KPNA1: variants seen among roughly 807,000 people sequenced by gnomAD.
KPNA1 encodes the protein karyopherin subunit alpha 1.
KPNA1 carries 10 observed loss-of-function variants against 70.5 expected under a neutral mutation model. The observed-to-expected ratio is 0.14, with a 90% CI of 0.09 to 0.24. The LOEUF is 0.24. KPNA1 is among the 10% of genes least tolerant of loss of function. The pLI is 1.00. For synonymous variants in KPNA1, 192 were observed against 221.9 expected, an observed-to-expected ratio of 0.87 and a Z score of 1.20; for missense variants, 397 against 637.9, an observed-to-expected ratio of 0.62 and a Z score of 4.07.
intron 5 of KPNA1, among the ~76,000 whole-genome samples, chr3:122,456,613 A>G (rs1293201244): frequency 6.6e-6 from 1 of 152,230 alleles, no homozygotes. Flanking sequence ...TTAATAAAAT[A>G]GAGAAGCAAA....
intron 2 of KPNA1, among the ~76,000 whole-genome samples, chr3:122,488,911 C>T (rs1233836479): frequency 6.6e-6 from 1 of 152,110 alleles, no homozygotes; most frequent in African/African-American, 2.4e-5. Flanking sequence ...AGTGGATTTA[C>T]AGTTCTTCAT....
At chr3:122,428,778 G>GTC (rs1439146906) in intron 12 of KPNA1, among the ~76,000 whole-genome samples, 2 of 152,220 alleles carry the variant, frequency 1.3e-5, no homozygotes, top group African/African-American at 4.8e-5. Flanking sequence ...GTTTCACACT[G>GTC]GTGAATTCTG....
Position 122,423,557 on chromosome 3 carries a change from C to T in KPNA1, c.*3428G>A, listed in dbSNP as rs1360976175. ...GATATAAAAATTTTCACAAAACTAG[C>T]GAGAAAGAAAAACCCCTTGACTCCA... On this transcript the variant is annotated 3_prime_UTR_variant, in exon 14 of 14. Coordinates refer to ENST00000344337, the MANE Select transcript of KPNA1 (RefSeq NM_002264.4). 1 of 152,462 alleles carries T rather than the reference C, an allele frequency of 6.6e-6. No homozygotes were observed. Among genetic ancestry groups the T allele is most frequent in the Non-Finnish European group, 1.5e-5 (1 of 68,012 alleles). 9.4% of individuals were successfully genotyped at this position (152,462 alleles called of 1,614,324 possible).
chr3:122,506,886 C>A (rs145331350), intron 1 of KPNA1, among the ~76,000 whole-genome samples: 2 of 152,212 alleles, frequency 1.3e-5, no homozygotes, highest in East Asian at 3.9e-4. Flanking sequence ...AGAACTCAAA[C>A]CCTGAATTGA....
chr3:122,443,113 T>G (rs2076087226), intron 9 of KPNA1: 1 of 152,358 alleles, frequency 6.6e-6, no homozygotes. Context: ...ACTGTGCTTT[T>G]CCCACAGTCT....
intron 1 of KPNA1, among the ~76,000 whole-genome samples, chr3:122,502,292 C>T (rs7645862): frequency 0.12 from 18,138 of 152,198 alleles, 1,299 homozygotes; most frequent in East Asian, 0.32. Context: ...CTTATGTTGA[C>T]ACCCTAACCA....
At chr3:122,502,976 T>C (rs991517455) in intron 1 of KPNA1, among the ~76,000 whole-genome samples, 1 of 152,030 alleles carries the variant, frequency 6.6e-6, no homozygotes, top group African/African-American at 2.4e-5. Flanking sequence ...CAGGCACCTG[T>C]GGTCCCAGCT....
Position 122,423,535 on chromosome 3 carries a change from AT to A in KPNA1, c.*3449del, listed in dbSNP as rs1189607836. The A allele has an allele frequency of 2.0e-5, 3 of 152,638 alleles. No homozygotes were observed. Among genetic ancestry groups the A allele is most frequent in the Non-Finnish European group, 2.9e-5 (2 of 68,034 alleles). The allele number at this position is 152,638 out of a possible 1,614,324, so 9.5% of individuals were successfully genotyped here. A position where few individuals can be genotyped will look rare whatever the true frequency, so the allele number is the denominator to read the frequency against. On this transcript the variant is annotated 3_prime_UTR_variant, in exon 14 of 14. Transcript: ENST00000344337. ...AAGTTATAATGATTTGCCTATTGATATAAAAATTTTCACAAAACTAGCGAGA... is the reference window on the plus strand; with the variant it reads ...AAGTTATAATGATTTGCCTATTGATAAAAAATTTTCACAAAACTAGCGAGA...
Position 122,422,360 on chromosome 3 carries a change from A to AC in KPNA1, c.*4624_*4625insG, listed in dbSNP as rs1264890648. ...ATCATTTGCACAAAAAAAAAAAAAA[A>AC]AAAAACCTATTACCATACTTGTCTG... On this transcript the variant is annotated 3_prime_UTR_variant, in exon 14 of 14. Transcript: ENST00000344337. The AC allele has an allele frequency of 6.6e-6, 1 of 152,132 alleles. No individual in the cohort carries two copies. The highest frequency in any genetic ancestry group is 1.5e-5 in the Non-Finnish European group (1 of 68,018). The allele number at this position is 152,132 out of a possible 1,614,324, so 9.4% of individuals were successfully genotyped here. A position where few individuals can be genotyped will look rare whatever the true frequency, so the allele number is the denominator to read the frequency against.
chr3:122,510,810 AG>A (rs1473672201), intron 1 of KPNA1, among the ~76,000 whole-genome samples: 1 of 152,252 alleles, frequency 6.6e-6, no homozygotes, highest in Non-Finnish European at 1.5e-5. Context: ...AGGCTGGGAC[AG>A]GGAACAGCTG....
intron 9 of KPNA1, 97 bp from the exon 10 acceptor site, chr3:122,442,213 AT>A: frequency 1.1e-6 from 1 of 910,560 alleles, no homozygotes; most frequent in Non-Finnish European, 1.8e-6. Context: ...TTGTGATAGA[AT>A]TTTAGAGCAG....
intron 2 of KPNA1, among the ~76,000 whole-genome samples, chr3:122,484,671 T>A (rs1032574595): frequency 2.4e-4 from 36 of 150,188 alleles, no homozygotes; most frequent in African/African-American, 4.4e-4. Context: ...AAAAAATAAA[T>A]AAAATAAAGG....
intron 2 of KPNA1, among the ~76,000 whole-genome samples, chr3:122,495,976 T>G (rs2107498171): frequency 6.6e-6 from 1 of 152,284 alleles, no homozygotes; most frequent in South Asian, 2.1e-4. Context: ...TGTAGCAAAC[T>G]GTTGACAATT....
chr3:122,483,387 G>T (rs6773243), intron 2 of KPNA1, among the ~76,000 whole-genome samples: 34,069 of 151,788 alleles, frequency 0.22, 4,240 homozygotes, highest in Non-Finnish European at 0.27. Context: ...TCTTGTTGCC[G>T]AGGCTGGAGT....
intron 1 of KPNA1, among the ~76,000 whole-genome samples, chr3:122,512,619 G>A (rs1002367545): frequency 3.9e-5 from 6 of 152,182 alleles, no homozygotes; most frequent in African/African-American, 1.4e-4. Flanking sequence ...AGCTACTCAG[G>A]CAGTCTCAGG....
At chr3:122,509,701 T>C (rs181835010) in intron 1 of KPNA1, among the ~76,000 whole-genome samples, 84 of 152,312 alleles carry the variant, frequency 5.5e-4, no homozygotes, top group African/African-American at 1.9e-3. Flanking sequence ...CACAATGTTA[T>C]ACAAAGAGGT....
chr3:122,469,232 T>A (rs1285684270), intron 2 of KPNA1, among the ~76,000 whole-genome samples: 2 of 151,716 alleles, frequency 1.3e-5, no homozygotes, highest in East Asian at 3.9e-4. Context: ...TGCCTAGGCC[T>A]TTCCTGGGCC....
chr3:122,461,552 A>G (rs1451111958), intron 4 of KPNA1, among the ~76,000 whole-genome samples: 1 of 152,182 alleles, frequency 6.6e-6, no homozygotes, highest in Non-Finnish European at 1.5e-5. Context: ...AAAATTCTTA[A>G]AAATTAAATT....
At chr3:122,514,214 C>G (rs180837020) in intron 1 of KPNA1, among the ~76,000 whole-genome samples, 2 of 152,086 alleles carry the variant, frequency 1.3e-5, no homozygotes, top group South Asian at 2.1e-4. Flanking sequence ...GCCGTCTCCA[C>G]CCCCCGCTTC....
Sources: gnomAD v4.1 joint callset for allele counts (sites outside exome capture counted in the v4.1 genomes callset) on GRCh38, gnomAD v4.1.1 for gene constraint, MANE v1.5 for transcripts, NCBI Gene and HGNC (gene_info 2026-07-23, HGNC 2026-07-21) for gene names.